RALA: variants seen among roughly 807,000 people sequenced by gnomAD.
RALA encodes the protein RAS like proto-oncogene A.
A neutral mutation model predicts 24.0 loss-of-function variants in RALA; 5 were observed. The observed-to-expected ratio is 0.21, with a 90% CI of 0.11 to 0.44. RALA has a LOEUF of 0.44. Ranked by LOEUF, RALA falls within the 20% of genes least tolerant of loss-of-function variation. The probability of loss-of-function intolerance (pLI) is 0.99; values close to 1 mark genes in which losing one functional copy is unlikely to be tolerated. For synonymous variants in RALA, 77 were observed against 83.8 expected (o/e 0.92, Z 0.44); for missense variants, 95 against 241.2 (o/e 0.39, Z 4.01).
At chr7:39,640,397 A>G (rs1327180248) in intron 1 of RALA, among the ~76,000 whole-genome samples, 1 of 152,210 alleles carries the variant, frequency 6.6e-6, no homozygotes, top group African/African-American at 2.4e-5. Context: ...GGTGTTCAGC[A>G]TCTTTTCATG....
intron 1 of RALA, among the ~76,000 whole-genome samples, chr7:39,682,891 C>T (rs1792631586): frequency 1.3e-5 from 2 of 152,292 alleles, no homozygotes; most frequent in East Asian, 1.9e-4. Flanking sequence ...CCGCCCACCT[C>T]GGCCTCCCAA....
chr7:39,663,621 G>C (rs1792235646), intron 1 of RALA, among the ~76,000 whole-genome samples: 1 of 150,636 alleles, frequency 6.6e-6, no homozygotes, highest in Non-Finnish European at 1.5e-5. Context: ...CCAGAGTAAG[G>C]GACATTGTAA....
chr7:39,702,835 CAG>C lies in RALA; in HGVS notation c.499-3284_499-3283del, dbSNP rs1236480240. 5.9e-5 allele frequency: 9 copies of C among 152,172 alleles called. 1 individual carries two copies. In the East Asian group the frequency reaches 9.6e-4, roughly 16 times the overall value. 9.4% of individuals were successfully genotyped at this position (152,172 alleles called of 1,614,324 possible). On this transcript the variant is annotated intron_variant, in intron 4 of 4. Coordinates refer to ENST00000005257, the MANE Select transcript of RALA (RefSeq NM_005402.4). ...GATCTCATAGAAGTAAAAAATAGAACAGAGAATACTAGAGGCTGGAATGGGAG... is the reference window on the plus strand; with the variant it reads ...GATCTCATAGAAGTAAAAAATAGAACAGAATACTAGAGGCTGGAATGGGAG...
Position 39,699,126 on chromosome 7 carries a change from T to C in RALA, c.498+2267T>C, listed in dbSNP as rs1440048730. On this transcript the variant is annotated intron_variant, in intron 4 of 4. Transcript: ENST00000005257. ...ATTTAAGTGCTAAAAATGTTATTTTTTTTTTTTTTTTTTTTTTTTTTTTTT... is the reference window on the plus strand; with the variant it reads ...ATTTAAGTGCTAAAAATGTTATTTTCTTTTTTTTTTTTTTTTTTTTTTTTT... Among the ~76,000 whole-genome samples, 720 of 107,290 alleles carry C rather than the reference T, an allele frequency of 6.7e-3. 13 individuals are homozygous for C. Among genetic ancestry groups the C allele is most frequent in the African/African-American group, 0.028 (667 of 24,252 alleles). The allele number at this position is 107,290 out of a possible 152,430, so 70.4% of individuals were successfully genotyped here.
intron 4 of RALA, among the ~76,000 whole-genome samples, chr7:39,697,961 GTGTGTGTGTGTGTA>G (rs970408533): frequency 1.5e-5 from 2 of 133,954 alleles, no homozygotes; most frequent in African/African-American, 2.7e-5. Context: ...GTGTGTGTGT[GTGTGTGTGTGTGTA>G]TGTGTGTGTA....
intron 2 of RALA, among the ~76,000 whole-genome samples, chr7:39,687,227 A>C (rs1358422975): frequency 1.3e-5 from 2 of 152,114 alleles, no homozygotes; most frequent in African/African-American, 2.4e-5. Context: ...GGAGATCGAG[A>C]CCATCCTGGC....
intron 1 of RALA, among the ~76,000 whole-genome samples, chr7:39,654,486 C>G (rs1277367015): frequency 6.6e-6 from 1 of 152,152 alleles, no homozygotes; most frequent in Admixed American, 6.5e-5. Flanking sequence ...AAAATTATCT[C>G]CCAGTCTGTG....
chr7:39,703,065 GTACGT>G (rs773902110), intron 4 of RALA: 1 of 152,202 alleles, frequency 6.6e-6, no homozygotes, highest in Non-Finnish European at 1.5e-5. Context: ...CTTAGTCACT[GTACGT>G]TATATGTTTC....
chr7:39,682,400 C>G (rs1240363185), intron 1 of RALA, among the ~76,000 whole-genome samples: 1 of 152,182 alleles, frequency 6.6e-6, no homozygotes, highest in East Asian at 1.9e-4. Flanking sequence ...CTTGATACTT[C>G]CACTGTCCAT....
Position 39,637,056 on chromosome 7 carries a change from A to G in RALA, c.-38+13231A>G, listed in dbSNP as rs549582998. On this transcript the variant is annotated intron_variant, in intron 1 of 4. Coordinates refer to ENST00000005257, the MANE Select transcript of RALA (RefSeq NM_005402.4). ...TGAGTTTCAAGCTATTAAAAACATT[A>G]AATTGTTAAAAGCACACTGTTAAAA... Among the ~76,000 whole-genome samples, 13 of 152,352 alleles carry G rather than the reference A, an allele frequency of 8.5e-5. No individual in the cohort carries two copies. The South Asian group carries it at 1.4e-3, about 17-fold the overall frequency.
intron 4 of RALA, among the ~76,000 whole-genome samples, chr7:39,698,124 A>G (rs1792955380): frequency 6.6e-6 from 1 of 152,168 alleles, no homozygotes; most frequent in South Asian, 2.1e-4. Context: ...TTCCTGCTGC[A>G]TCCTCACATG....
intron 1 of RALA, among the ~76,000 whole-genome samples, chr7:39,637,248 C>A (rs1054484280): frequency 5.9e-5 from 9 of 152,174 alleles, no homozygotes; most frequent in Non-Finnish European, 8.8e-5. Context: ...TCCTATATTT[C>A]TGTCCCTATT....
chr7:39,657,222 T>G (rs976857402), intron 1 of RALA, among the ~76,000 whole-genome samples: 1 of 152,146 alleles, frequency 6.6e-6, no homozygotes, highest in Non-Finnish European at 1.5e-5. Context: ...CACCTCGGCC[T>G]CCCAAGGTGC....
chr7:39,650,452 T>C (rs1367594048), intron 1 of RALA, among the ~76,000 whole-genome samples: 2 of 152,240 alleles, frequency 1.3e-5, no homozygotes, highest in Middle Eastern at 3.4e-3. Flanking sequence ...GAAGAAAAGA[T>C]AGGATGAAAT....
chr7:39,651,868 TC>T (rs1484335144), intron 1 of RALA, among the ~76,000 whole-genome samples: 1 of 152,220 alleles, frequency 6.6e-6, no homozygotes, highest in Non-Finnish European at 1.5e-5. Flanking sequence ...TTCATGGCTA[TC>T]CATAATTTTT....
chr7:39,656,984 T>G (rs1457551813), intron 1 of RALA, among the ~76,000 whole-genome samples: 1 of 152,214 alleles, frequency 6.6e-6, no homozygotes, highest in East Asian at 1.9e-4. Flanking sequence ...TGTTTTGTTT[T>G]TGAGACGGAG....
chr7:39,680,681 T>C (rs1792578500), intron 1 of RALA, among the ~76,000 whole-genome samples: 1 of 152,220 alleles, frequency 6.6e-6, no homozygotes, highest in Non-Finnish European at 1.5e-5. Flanking sequence ...TTAGGCTTTA[T>C]ATTGGTATGA....
Position 39,667,762 on chromosome 7 carries a change from C to T in RALA, c.-37-18869C>T, listed in dbSNP as rs534499848. Reference sequence around the variant, plus strand: ...CGAAAAACATTTCTTTTTGAACTCACAGCCTGGGAGGACTAGGAGTTCTAA... The same window carrying T: ...CGAAAAACATTTCTTTTTGAACTCATAGCCTGGGAGGACTAGGAGTTCTAA... On this transcript the variant is annotated intron_variant, in intron 1 of 4. Transcript: ENST00000005257. Among the ~76,000 whole-genome samples the T allele has an allele frequency of 1.1e-4, 17 of 152,346 alleles. No homozygotes were observed. The East Asian group carries it at 2.9e-3, about 26-fold the overall frequency.
intron 3 of RALA, among the ~76,000 whole-genome samples, chr7:39,694,201 T>A (rs533563271): frequency 1.3e-5 from 2 of 152,358 alleles, no homozygotes; most frequent in South Asian, 2.1e-4. Flanking sequence ...CATACAGTTA[T>A]AATTGCCAGC....
Sources: allele counts gnomAD v4.1 joint callset (sites outside exome capture counted in the v4.1 genomes callset), GRCh38; gene constraint gnomAD v4.1.1; transcripts MANE v1.5; gene names NCBI Gene and HGNC (gene_info 2026-07-23, HGNC 2026-07-21).